The following HOMER2 variants were observed in gnomAD, a reference collection of about 807,000 sequenced individuals.
HOMER2 encodes homer scaffold protein 2.
A neutral mutation model predicts 47.0 loss-of-function variants in HOMER2; 27 were observed. The ratio of observed to expected loss-of-function variants is 0.57; its 90% CI spans 0.42 to 0.79. The LOEUF (loss-of-function observed/expected upper bound fraction) is 0.79, where lower values mean the gene tolerates loss of function less well. HOMER2 is among the 30% of genes least tolerant of loss of function. The pLI is 0.00. For synonymous variants in HOMER2, 161 were observed against 163.8 expected (o/e 0.98, Z 0.13); for missense variants, 443 against 435.0 (o/e 1.02, Z -0.16).
chr15:82,912,598 T>G (rs1195917820), intron 1 of HOMER2, among the ~76,000 whole-genome samples: 2 of 152,226 alleles, frequency 1.3e-5, no homozygotes, highest in Non-Finnish European at 2.9e-5. Context: ...CTCTTGGGTA[T>G]ATATACCTAG....
Position 82,952,581 on chromosome 15 carries a change from C to G in HOMER2, c.-46G>C, listed in dbSNP as rs1294542068. On this transcript the variant is annotated 5_prime_UTR_variant, in exon 1 of 9. Coordinates refer to ENST00000450735, the MANE Select transcript of HOMER2 (RefSeq NM_004839.4). ...CCGCTCCGACGGGGCCTCTCGCGCT[C>G]GCTCTCCGCCCGCTCGGCAGCCGCT... 8.7e-7 allele frequency: 1 copy of G among 1,153,946 alleles called. No individual in the cohort carries two copies. The highest frequency in any genetic ancestry group is 1.6e-5 in the African/African-American group (1 of 61,526). 71.5% of individuals were successfully genotyped at this position (1,153,946 alleles called of 1,614,324 possible). A position where few individuals can be genotyped will look rare whatever the true frequency, so the allele number is the denominator to read the frequency against.
chr15:82,850,970 GC>G (rs1285744698), intron 8 of HOMER2, among the ~76,000 whole-genome samples, 180 bp downstream of exon 8: 3 of 152,248 alleles, frequency 2.0e-5, no homozygotes, highest in Non-Finnish European at 4.4e-5. Flanking sequence ...TGCTGAGTCT[GC>G]CCCGGGGGCA....
chr15:82,849,747 G>C lies in HOMER2; in HGVS notation c.1000C>G (p.Arg334Gly). The part of the protein sequence containing the change: ...GKIDDLHDFR[R>G]GLSKLGTDN ...TCGGTGCCCAGCTTGGAGAGCCCTC[G>C]GCGGAAGTCATGCAGGTCGTCAATC... Residue 334 changes from arginine (R) to glycine (G), a missense_variant, in exon 9 of 9, where the codon CGA (arginine) becomes GGA (glycine). Coordinates refer to ENST00000450735, the MANE Select transcript of HOMER2 (RefSeq NM_004839.4). 1.2e-6 allele frequency: 2 copies of C among 1,613,816 alleles called. No homozygotes were observed. The highest frequency in any genetic ancestry group is 8.5e-7 in the Non-Finnish European group (1 of 1,179,832).
rs527625925 is a variant in HOMER2, at chr15:82,981,272, G to A, written n.82+4515C>T. On this transcript the variant is annotated intron_variant and non_coding_transcript_variant, in intron 1 of 1. Coordinates refer to the HOMER2 transcript ENST00000500334. Reference sequence around the variant, plus strand: ...AGCTTTAGTCTTTAAAGTGGTTATTGTCCAAGATCACGAATGGCCTCTGAA... The same window carrying A: ...AGCTTTAGTCTTTAAAGTGGTTATTATCCAAGATCACGAATGGCCTCTGAA... Among the ~76,000 whole-genome samples the A allele has an allele frequency of 2.0e-5, 3 of 152,246 alleles. No individual in the cohort carries two copies. The South Asian group carries it at 6.2e-4, about 32-fold the overall frequency.
intron 1 of HOMER2, among the ~76,000 whole-genome samples, chr15:82,940,793 T>C (rs898340485): frequency 1.3e-5 from 2 of 151,628 alleles, no homozygotes; most frequent in Admixed American, 6.6e-5. Context: ...CTCAGGAGGT[T>C]GAGGTGGGAG....
rs142802064 is a variant in HOMER2, at chr15:82,931,682, C to T, written c.5+20849G>A. Among the ~76,000 whole-genome samples the T allele has an allele frequency of 3.9e-3, 587 of 151,872 alleles. 11 individuals carry two copies. The highest frequency in any genetic ancestry group is 0.035 in the Admixed American group (538 of 15,246). ...TGAAACCCCGTCTCTACTAAAAATA[C>T]AAAAAATTAGTTGGGTGTGGTGGCA... On this transcript the variant is annotated intron_variant, in intron 1 of 8. Transcript: ENST00000450735.
chr15:82,892,077 G>T (rs1257641739), intron 2 of HOMER2, among the ~76,000 whole-genome samples: 1 of 151,582 alleles, frequency 6.6e-6, no homozygotes, highest in Non-Finnish European at 1.5e-5. Flanking sequence ...ATGGGAGACA[G>T]AATAACAAAA....
chr15:82,846,686 A>G (rs1195891949), downstream of HOMER2: 1 of 152,090 alleles, frequency 6.6e-6, no homozygotes, highest in Non-Finnish European at 1.5e-5. Flanking sequence ...CTCTCACCCA[A>G]TTAAAGTCTA....
intron 1 of HOMER2, among the ~76,000 whole-genome samples, chr15:82,927,894 C>T (rs1352707185): frequency 2.0e-5 from 3 of 150,250 alleles, no homozygotes; most frequent in Non-Finnish European, 4.4e-5. Flanking sequence ...TGATTGAAAC[C>T]GGGAGGCGGA....
At chr15:82,939,810 G>A (rs1489993161) in intron 1 of HOMER2, among the ~76,000 whole-genome samples, 1 of 152,160 alleles carries the variant, frequency 6.6e-6, no homozygotes, top group Non-Finnish European at 1.5e-5. Flanking sequence ...AAAATGGGGA[G>A]GTTGTCCAAA....
intron 1 of HOMER2, among the ~76,000 whole-genome samples, chr15:82,985,368 G>A (rs1020124754): frequency 6.6e-5 from 10 of 152,152 alleles, no homozygotes; most frequent in African/African-American, 1.9e-4. Context: ...GCAGAGTGAT[G>A]CTAGAGGCAG....
At chr15:82,971,839 C>T (rs1324696162) in intron 1 of HOMER2, among the ~76,000 whole-genome samples, 1 of 152,070 alleles carries the variant, frequency 6.6e-6, no homozygotes, top group Admixed American at 6.6e-5. Context: ...GTCATCTTTC[C>T]AAGAGGTACA....
At chr15:82,882,507 C>G (rs2052554531) in intron 2 of HOMER2, among the ~76,000 whole-genome samples, 1 of 152,234 alleles carries the variant, frequency 6.6e-6, no homozygotes, top group Non-Finnish European at 1.5e-5. Flanking sequence ...GAAGTTTTCC[C>G]ACCCACTCAT....
Position 82,919,897 on chromosome 15 carries a change from C to G in HOMER2, c.6-27056G>C, listed in dbSNP as rs368895122. ...CGTGCACTTCATATTTGAAACATGA[C>G]ATGCTTGTGATAATTTTTAATTTTT... On this transcript the variant is annotated intron_variant, in intron 1 of 8. Transcript: ENST00000450735. Among the ~76,000 whole-genome samples, 56 of 152,300 alleles carry G rather than the reference C, an allele frequency of 3.7e-4. 1 individual carries two copies. In the East Asian group the frequency reaches 8.1e-3, roughly 22 times the overall value.
chr15:82,946,384 C>A (rs1429827984), intron 1 of HOMER2, among the ~76,000 whole-genome samples: 3 of 152,224 alleles, frequency 2.0e-5, no homozygotes, highest in Non-Finnish European at 4.4e-5. Context: ...TGCTACCTCC[C>A]TGACCTCTTC....
At chr15:82,861,026 AAAGAG>A (rs575233384) in intron 4 of HOMER2, among the ~76,000 whole-genome samples, 97 of 149,886 alleles carry the variant, frequency 6.5e-4, no homozygotes, top group African/African-American at 2.2e-3. Flanking sequence ...CAAAAGAAAA[AAAGAG>A]AAGAGAAAAG....
rs1311221981 is a variant in HOMER2, at chr15:82,914,909, C to T, written c.6-22068G>A. The stretch of plus-strand genomic sequence containing the variant: ...CATTTAGAGGACAGATGGAGGTGGG[C>T]ACAGTGGCTCACACCTGTAACCTTA... On this transcript the variant is annotated intron_variant, in intron 1 of 8. Transcript: ENST00000450735. 3.3e-5 allele frequency among the ~76,000 whole-genome samples: 5 copies of T among 152,188 alleles called. No homozygotes were observed. The East Asian group carries it at 9.7e-4, about 29-fold the overall frequency.
At chr15:82,982,793 C>T (rs961872308) in intron 1 of HOMER2, among the ~76,000 whole-genome samples, 2 of 152,138 alleles carry the variant, frequency 1.3e-5, no homozygotes, top group African/African-American at 4.8e-5. Flanking sequence ...TCTTGATTCC[C>T]GATACTAGGT....
intron 3 of HOMER2, among the ~76,000 whole-genome samples, chr15:82,869,625 T>G (rs978747263): frequency 6.6e-6 from 1 of 151,858 alleles, no homozygotes; most frequent in Non-Finnish European, 1.5e-5. Context: ...ACCTAGCTAA[T>G]TTTTGTATTT....
Sources: allele counts gnomAD v4.1 joint callset (sites outside exome capture counted in the v4.1 genomes callset), GRCh38; gene constraint gnomAD v4.1.1; transcripts MANE v1.5; gene names NCBI Gene and HGNC (gene_info 2026-07-23, HGNC 2026-07-21).